The following NGF variants were observed in gnomAD, a reference collection of about 807,000 sequenced individuals.
NGF encodes the protein beta-nerve growth factor.
In NGF, 4 loss-of-function variants were observed where a neutral mutation model predicts 12.8. The observed-to-expected ratio is 0.31, with a 90% CI of 0.15 to 0.72. The LOEUF is 0.72. Among genes scored for constraint, NGF ranks in the 30% least tolerant of loss-of-function variants. The pLI, the probability that NGF is intolerant of heterozygous loss-of-function variation, is 0.69. For synonymous variants in NGF, 140 were observed against 130.0 expected (o/e 1.08, Z -0.52); for missense variants, 283 against 330.8 (o/e 0.86, Z 1.12).
rs972935103 is a variant in NGF, at chr1:115,286,565, A to G, written c.231T>C (p.Phe77=). 6 of 1,614,034 alleles carry G rather than the reference A, an allele frequency of 3.7e-6. No individual in the cohort carries two copies. The highest frequency in any genetic ancestry group is 1.3e-5 in the African/African-American group (1 of 74,920). The change falls in exon 3 of 3, where the codon TTT becomes TTC. Residue 77 remains phenylalanine (F), a synonymous_variant. Transcript: ENST00000369512. The part of the protein sequence containing the change: ...TRNITVDPRL[F]KKRRLRSPRV... Reference sequence around the variant, plus strand: ...GGGGTGAACGGAGTCGCCGCTTTTTAAACAGCCTGGGGTCCACAGTAATGT... The same window carrying G: ...GGGGTGAACGGAGTCGCCGCTTTTTGAACAGCCTGGGGTCCACAGTAATGT...
chr1:115,290,741 T>C (rs1653670163), intron 2 of NGF, among the ~76,000 whole-genome samples: 1 of 152,158 alleles, frequency 6.6e-6, no homozygotes, highest in Non-Finnish European at 1.5e-5. Context: ...AGGGCTGTTG[T>C]ATTCTTTTAT....
At chr1:115,291,687 T>C (rs1283556914) in intron 2 of NGF, among the ~76,000 whole-genome samples, 2 of 152,208 alleles carry the variant, frequency 1.3e-5, no homozygotes, top group African/African-American at 4.8e-5. Context: ...TTCCAATGGT[T>C]CACACACTCC....
intron 1 of NGF, among the ~76,000 whole-genome samples, chr1:115,337,273 T>G (rs867558099): frequency 0.017 from 1,172 of 67,222 alleles, 32 homozygotes; most frequent in Non-Finnish European, 0.024. Context: ...TTTTGTTTTT[T>G]TTTTTTTTTT....
At chr1:115,330,002 C>T (rs202073103) in intron 1 of NGF, among the ~76,000 whole-genome samples, 18 of 152,156 alleles carry the variant, frequency 1.2e-4, no homozygotes, top group African/African-American at 2.9e-4. Flanking sequence ...GTGATCCTCC[C>T]GCCTCAGCCC....
At chr1:115,326,067 T>C (rs559705871) in intron 1 of NGF, among the ~76,000 whole-genome samples, 1 of 152,114 alleles carries the variant, frequency 6.6e-6, no homozygotes, top group East Asian at 1.9e-4. Flanking sequence ...AGATCGTAGC[T>C]CATGCCTGGG....
chr1:115,318,494 C>T (rs974432065), intron 1 of NGF, among the ~76,000 whole-genome samples: 2 of 152,154 alleles, frequency 1.3e-5, no homozygotes, highest in East Asian at 1.9e-4. Context: ...CAGCATAGGG[C>T]GAAGGAGGAA....
intron 1 of NGF, among the ~76,000 whole-genome samples, chr1:115,298,265 A>T (rs1460936875): frequency 6.6e-6 from 1 of 152,218 alleles, no homozygotes; most frequent in Non-Finnish European, 1.5e-5. Context: ...TATTAAGGCC[A>T]TTACCAAGCA....
At chr1:115,323,924 A>G (rs1418294895) in intron 1 of NGF, among the ~76,000 whole-genome samples, 1 of 152,160 alleles carries the variant, frequency 6.6e-6, no homozygotes, top group Non-Finnish European at 1.5e-5. Flanking sequence ...AGCTGTGTAC[A>G]TGCCACCAGG....
intron 2 of NGF, among the ~76,000 whole-genome samples, chr1:115,291,604 C>A (rs571547448): frequency 5.9e-5 from 9 of 152,314 alleles, no homozygotes; most frequent in African/African-American, 1.9e-4. Flanking sequence ...CATTGGGATG[C>A]CTTTACAACC....
At chr1:115,318,785 C>T (rs1203083483) in intron 1 of NGF, among the ~76,000 whole-genome samples, 1 of 152,202 alleles carries the variant, frequency 6.6e-6, no homozygotes, top group Non-Finnish European at 1.5e-5. Flanking sequence ...TTCCCCTGAG[C>T]CCACTCCTAC....
chr1:115,286,207 A>G lies in NGF; in HGVS notation c.589T>C (p.Trp197Arg). 6.2e-7 allele frequency: 1 copy of G among 1,614,162 alleles called. No homozygotes were observed. The highest frequency in any genetic ancestry group is 8.5e-7 in the Non-Finnish European group (1 of 1,180,050). ...SGCRGIDSKH[W>R]NSYCTTTHTF... is the part of the protein sequence containing the mutation. ...TGAGTCGTGGTACAATATGAGTTCC[A>G]GTGCTTTGAGTCAATGCCCCGGCAC... is the stretch of plus-strand genomic sequence containing the variant. Residue 197 changes from tryptophan (W) to arginine (R), a missense_variant, in exon 3 of 3, where the codon TGG (tryptophan) becomes CGG (arginine). Physicochemically the swap from Trp to Arg is moderately radical, Grantham distance 101 (BLOSUM62 -3). Transcript: ENST00000369512.
At chr1:115,287,136 C>A (rs558195452) in intron 2 of NGF, among the ~76,000 whole-genome samples, 1 of 152,114 alleles carries the variant, frequency 6.6e-6, no homozygotes, top group South Asian at 2.1e-4. Context: ...AAGCTTAAGG[C>A]GGCTGAGGGA....
chr1:115,287,086 AG>A (rs2101019971), intron 2 of NGF, among the ~76,000 whole-genome samples: 1 of 152,248 alleles, frequency 6.6e-6, no homozygotes, highest in Admixed American at 6.5e-5. Context: ...GTTCGATATG[AG>A]CTTGGAGACA....
chr1:115,326,730 A>T (rs1450780251), intron 1 of NGF, among the ~76,000 whole-genome samples: 2 of 152,094 alleles, frequency 1.3e-5, no homozygotes, highest in Admixed American at 6.5e-5. Context: ...ACTGCTCAAT[A>T]CCAGGGCAAG....
intron 1 of NGF, among the ~76,000 whole-genome samples, chr1:115,294,366 C>T (rs1358245952): frequency 6.6e-6 from 1 of 152,184 alleles, no homozygotes; most frequent in African/African-American, 2.4e-5. Flanking sequence ...CAATTTTAGG[C>T]TGTAGTTTCT....
chr1:115,337,256 GTTTTGTTTTTGTTTTTTTTTTTT>G (rs1655136678), intron 1 of NGF, among the ~76,000 whole-genome samples: 1 of 27,200 alleles, frequency 3.7e-5, no homozygotes, highest in African/African-American at 1.7e-4. Context: ...AATTTTTTTT[GTTTTGTTTTTGTTTTTTTTTTTT>G]TTTTTTTTTT....
At position 115,286,197 on chromosome 1, in the gene NGF, T is replaced by C. The variant is rs1653493188; in HGVS notation, c.599A>G (p.Tyr200Cys). The C allele has an allele frequency of 6.2e-7, 1 of 1,614,000 alleles. No homozygotes were observed. The highest frequency in any genetic ancestry group is 1.3e-5 in the African/African-American group (1 of 74,894). ...RGIDSKHWNS[Y>C]CTTTHTFVKA... ...GACAAAGGTGTGAGTCGTGGTACAA[T>C]ATGAGTTCCAGTGCTTTGAGTCAAT... is the stretch of plus-strand genomic sequence containing the variant. The change falls in exon 3 of 3, where the codon TAT becomes TGT. Residue 200 changes from tyrosine to cysteine, a missense_variant. Coordinates refer to ENST00000369512, the MANE Select transcript of NGF (RefSeq NM_002506.3).
At chr1:115,317,479 T>A (rs1654503425) in intron 1 of NGF, among the ~76,000 whole-genome samples, 1 of 152,202 alleles carries the variant, frequency 6.6e-6, no homozygotes. Context: ...TATCATTAGT[T>A]GTGTTGTCTC....
At chr1:115,314,462 C>T (rs2101042973) in intron 1 of NGF, among the ~76,000 whole-genome samples, 1 of 152,318 alleles carries the variant, frequency 6.6e-6, no homozygotes, top group Admixed American at 6.5e-5. Context: ...ACCCTTTGGG[C>T]ACGCTTCTTG....
Sources: gnomAD v4.1 joint callset for allele counts (sites outside exome capture counted in the v4.1 genomes callset) on GRCh38, gnomAD v4.1.1 for gene constraint, MANE v1.5 for transcripts, NCBI Gene and HGNC (gene_info 2026-07-23, HGNC 2026-07-21) for gene names.